The following SETD2 variants were observed in gnomAD, a reference collection of about 807,000 sequenced individuals.
SETD2 encodes the protein SET domain containing 2, histone lysine methyltransferase, also known as histone-lysine N-methyltransferase SETD2.
Under a neutral mutation model 242.1 loss-of-function variants are expected in SETD2, and 31 were observed. The ratio of observed to expected loss-of-function variants is 0.13; its 90% confidence interval spans 0.10 to 0.17. The LOEUF (loss-of-function observed/expected upper bound fraction) is 0.17, where lower values mean the gene tolerates loss of function less well. Among genes scored for constraint, SETD2 ranks in the 10% least tolerant of loss-of-function variants. SETD2 has a pLI of 1.00. For missense variants in SETD2, 2,481 were observed against 3,046.3 expected (o/e 0.81, Z 4.37); for synonymous variants, 1,006 against 1,066.5 (o/e 0.94, Z 1.11).
chr3:47,163,689 G>A lies in SETD2; in HGVS notation c.71+165C>T, dbSNP rs956497540. ...GGGCCTGCTGCGGCCCCGGCCAAGC[G>A]GCTCGAAGTGGCGGCGCGGGCCTGC... On this transcript the variant is annotated intron_variant, in intron 1 of 20. Transcript: ENST00000409792. 5.7e-6 allele frequency: 3 copies of A among 522,392 alleles called. No homozygotes were observed. The African/African-American group carries it at 6.1e-5, about 11-fold the overall frequency. The allele number at this position is 522,392 out of a possible 1,614,324, so 32.4% of individuals were successfully genotyped here.
Position 47,121,579 on chromosome 3 carries a change from T to G in SETD2, c.3057A>C (p.Leu1019Phe), listed in dbSNP as rs2043089885. Residue 1019 changes from leucine (L) to phenylalanine (F), a missense_variant, in exon 3 of 21, where the codon TTA (leucine) becomes TTC (phenylalanine). This residue lies in a region of SETD2 where 1,300 missense variants were observed against 1,259.2 expected (regional missense o/e 1.03). Transcript: ENST00000409792. Reference sequence around the variant, plus strand: ...GGGCATGACCACTACTGTCACACTTTAATGCATAAGTTACACCATCACTGT... The same window carrying G: ...GGGCATGACCACTACTGTCACACTTGAATGCATAAGTTACACCATCACTGT... ...MEDSDGVTYA[L>F]KCDSSGHAPE... is the part of the protein sequence containing the mutation. 6.2e-7 allele frequency: 1 copy of G among 1,614,040 alleles called. No homozygotes were observed. Among genetic ancestry groups the G allele is most frequent in the African/African-American group, 1.3e-5 (1 of 74,956 alleles).
intron 9 of SETD2, among the ~76,000 whole-genome samples, chr3:47,090,219 C>T (rs1256831545): frequency 6.6e-6 from 1 of 151,876 alleles, no homozygotes; most frequent in African/African-American, 2.4e-5. Context: ...TGTACTCTAG[C>T]CTGAGCGACA....
rs1270537136 is a variant in SETD2, at chr3:47,120,725, C to T, written c.3911G>A (p.Gly1304Asp). The stretch of plus-strand genomic sequence containing the variant: ...TCTACCTGATCTTGGATCCCAGTAA[C>T]CATTGCCTTGCCAGTAATCACGTGT... ...GGTRDYWQGN[G>D]YWDPRSGRPP... The change falls in exon 3 of 21, where the codon GGT (glycine) becomes GAT (aspartate). Residue 1304 changes from glycine to aspartate, a missense_variant. This residue lies in a region of SETD2 where 1,300 missense variants were observed against 1,259.2 expected (regional missense o/e 1.03). Transcript: ENST00000409792. 4 of 1,614,196 alleles carry T rather than the reference C, an allele frequency of 2.5e-6. No individual in the cohort carries two copies. In the South Asian group the frequency reaches 4.4e-5, roughly 18 times the overall value.
At chr3:47,159,950 G>A (rs1232452859) in intron 1 of SETD2, among the ~76,000 whole-genome samples, 3 of 151,654 alleles carry the variant, frequency 2.0e-5, no homozygotes, top group African/African-American at 4.8e-5. Context: ...ACTCCAGCCT[G>A]GGGGACAGAG....
Position 47,123,312 on chromosome 3 carries a change from C to T in SETD2, c.1324G>A (p.Glu442Lys), listed in dbSNP as rs1376917645. ...TATGGCCGAGAATAGCGCGTCCTCT[C>T]TCGATAAGGGGAGCTCCTATGGTAG... ...RRYHRSSPYR[E>K]RTRYSRPYTD... The change falls in exon 3 of 21, where the codon GAG (glutamate) becomes AAG (lysine). Residue 442 changes from glutamate to lysine, a missense_variant. Coordinates refer to ENST00000409792, the MANE Select transcript of SETD2 (RefSeq NM_014159.7). 6.4e-7 allele frequency: 1 copy of T among 1,551,738 alleles called. No individual in the cohort carries two copies. Among genetic ancestry groups the T allele is most frequent in the Non-Finnish European group, 8.7e-7 (1 of 1,147,010 alleles).
chr3:47,157,450 C>G, intron 1 of SETD2: 2 of 455,826 alleles, frequency 4.4e-6, no homozygotes, highest in Middle Eastern at 3.3e-4. Context: ...TGCTTTGTAT[C>G]TCATTTGAAC....
Position 47,062,189 on chromosome 3 carries a change from C to T in SETD2, c.6267G>A (p.Glu2089=), listed in dbSNP as rs2040362449. ...TGTCATCTGGCCTTTTTGTTCCCCG[C>T]TCATAGGCAGAAGAGGGTGGTGAGA... is the stretch of plus-strand genomic sequence containing the variant. The part of the protein sequence containing the change: ...SSLSPPSSAY[E]RGTKRPDDRY... The change falls in exon 14 of 21, where the codon GAG becomes GAA. Residue 2089 remains glutamate, a synonymous_variant. Coordinates refer to ENST00000409792, the MANE Select transcript of SETD2 (RefSeq NM_014159.7). The T allele has an allele frequency of 6.2e-7, 1 of 1,613,834 alleles. No individual in the cohort carries two copies.
chr3:47,163,834 G>T lies in SETD2; in HGVS notation c.71+20C>A, dbSNP rs552680032. The T allele has an allele frequency of 7.1e-6, 9 of 1,272,412 alleles. No individual in the cohort carries two copies. Among genetic ancestry groups the T allele is most frequent in the African/African-American group, 1.5e-5 (1 of 65,078 alleles). The allele number at this position is 1,272,412 out of a possible 1,614,324, so 78.8% of individuals were successfully genotyped here. On this transcript the variant is annotated intron_variant, in intron 1 of 20. Transcript: ENST00000409792. ...ATAAGGCGGCCGACAGCAGCGGGGG[G>T]CCGCGGAGCTGATACTTACTCAGGG...
intron 12 of SETD2, among the ~76,000 whole-genome samples, chr3:47,077,037 G>T (rs2041109925): frequency 6.6e-6 from 1 of 152,196 alleles, no homozygotes; most frequent in Non-Finnish European, 1.5e-5. Context: ...AAAAGTGTAA[G>T]TAAGAAATGG....
chr3:47,157,072 C>T (rs1043404251), intron 1 of SETD2, among the ~76,000 whole-genome samples: 3 of 152,130 alleles, frequency 2.0e-5, no homozygotes, highest in Admixed American at 6.6e-5. Context: ...AGTTTGAGAC[C>T]AGCCTGGGCA....
chr3:47,101,048 C>T (rs954692155), intron 8 of SETD2, among the ~76,000 whole-genome samples: 4 of 145,490 alleles, frequency 2.7e-5, no homozygotes, highest in African/African-American at 1.0e-4. Context: ...ACTAGGTAAC[C>T]AATTATATTT....
intron 17 of SETD2, among the ~76,000 whole-genome samples, chr3:47,039,831 C>T (rs1419228882): frequency 6.9e-6 from 1 of 144,052 alleles, no homozygotes; most frequent in African/African-American, 2.6e-5. Context: ...TGCAGTGAGC[C>T]GAGATCACGC....
At position 47,123,520 on chromosome 3, in the gene SETD2, G is replaced by T; in HGVS notation, c.1116C>A (p.Asp372Glu). 6.4e-7 allele frequency: 1 copy of T among 1,550,628 alleles called. No homozygotes were observed. The highest frequency in any genetic ancestry group is 8.7e-7 in the Non-Finnish European group (1 of 1,146,948). The stretch of plus-strand genomic sequence containing the variant: ...AATAGCTAAAATATTTATCATCTCT[G>T]TCTGTTTTAGATCGTGAAGGTTTCC... ...DLGKPSRSKT[D>E]RDDKYFSYSK... Residue 372 changes from aspartate to glutamate, a missense_variant, in exon 3 of 21, where the codon GAC becomes GAA. Physicochemically the swap from Asp to Glu is conservative, Grantham distance 45 (BLOSUM62 2). Around this residue, in one of 17 missense-constraint regions of SETD2, gnomAD observed 1,300 missense variants for 1,259.2 expected, o/e 1.03. Coordinates refer to ENST00000409792, the MANE Select transcript of SETD2 (RefSeq NM_014159.7).
Position 47,037,660 on chromosome 3 carries a change from A to C in SETD2, c.7350+6T>G, listed in dbSNP as rs369951554. 3 of 1,602,650 alleles carry C rather than the reference A, an allele frequency of 1.9e-6. No individual in the cohort carries two copies. Among genetic ancestry groups the C allele is most frequent in the Non-Finnish European group, 2.6e-6 (3 of 1,169,902 alleles). On this transcript the variant is annotated splice_donor_region_variant and intron_variant, in intron 18 of 20. Transcript: ENST00000409792. ...ATCAGGAAATACATGTGTAAGCCAC[A>C]CTCACCTTCATGGGGTTTTCATCAT...
chr3:47,046,733 T>G, intron 15 of SETD2, 112 bp from the exon 16 acceptor site: 1 of 946,578 alleles, frequency 1.1e-6, no homozygotes, highest in Non-Finnish European at 1.4e-6. Flanking sequence ...TTTAAAATTT[T>G]TTGTTTATAT....
intron 18 of SETD2, among the ~76,000 whole-genome samples, chr3:47,030,935 A>G (rs1448182736): frequency 1.3e-5 from 2 of 152,238 alleles, no homozygotes; most frequent in South Asian, 2.1e-4. Context: ...CTATCAGGCC[A>G]TGAAAAGACA....
At chr3:47,061,635 A>C (rs1043648253) in intron 14 of SETD2, among the ~76,000 whole-genome samples, 3 of 152,196 alleles carry the variant, frequency 2.0e-5, no homozygotes, top group African/African-American at 7.2e-5. Flanking sequence ...GCAGTATATA[A>C]ATGCTTTATC....
intron 15 of SETD2, among the ~76,000 whole-genome samples, chr3:47,048,581 CTG>C (rs2039640257): frequency 6.6e-6 from 1 of 152,098 alleles, no homozygotes; most frequent in South Asian, 2.1e-4. Context: ...AATAAATTAA[CTG>C]TAACTTACTA....
chr3:47,123,419 T>A lies in SETD2; in HGVS notation c.1217A>T (p.His406Leu). The A allele has an allele frequency of 6.4e-7, 1 of 1,551,670 alleles. No homozygotes were observed. The highest frequency in any genetic ancestry group is 8.7e-7 in the Non-Finnish European group (1 of 1,146,978). ...SERERRRSRS[H>L]SRSERGSRTN... ...TCTAGAGCCTCTCTCAGACCTAGAG[T>A]GAGATCTGCTCCGCCGTCGCTCTCT... The change falls in exon 3 of 21, where the codon CAC becomes CTC. Residue 406 changes from histidine to leucine, a missense_variant. Physicochemically the swap from His to Leu is moderately conservative, Grantham distance 99. This residue lies in a region of SETD2 where 1,300 missense variants were observed against 1,259.2 expected (regional missense o/e 1.03). Transcript: ENST00000409792.
Sources: gnomAD v4.1 joint callset for allele counts (sites outside exome capture counted in the v4.1 genomes callset) on GRCh38, gnomAD v4.1.1 for gene constraint, gnomAD v4.1.1 regional missense constraint, MANE v1.5 for transcripts, NCBI Gene and HGNC (gene_info 2026-07-23, HGNC 2026-07-21) for gene names.